Variants in UNC13C observed in about 807,000 individuals in gnomAD.
The protein encoded by UNC13C is protein unc-13 homolog C.
UNC13C carries 174 observed loss-of-function variants against 245.4 expected under a neutral mutation model. The observed-to-expected ratio is 0.71, with a 90% confidence interval of 0.63 to 0.80. UNC13C has a LOEUF of 0.80. Among genes scored for constraint, UNC13C ranks in the 30% least tolerant of loss-of-function variants. UNC13C has a pLI of 0.00. For missense variants in UNC13C, 2,829 were observed against 2,602.9 expected, an observed-to-expected ratio of 1.09 and a Z score of -1.89; for synonymous variants, 992 against 895.1, an observed-to-expected ratio of 1.11 and a Z score of -1.93.
At chr15:54,110,847 G>A (rs1341621883) in intron 2 of UNC13C, among the ~76,000 whole-genome samples, 1 of 152,150 alleles carries the variant, frequency 6.6e-6, no homozygotes, top group African/African-American at 2.4e-5. Context: ...ATGGAAGCTT[G>A]ATGACTTAGT....
intron 2 of UNC13C, among the ~76,000 whole-genome samples, chr15:54,080,788 T>A (rs1898900317): frequency 6.6e-6 from 1 of 152,082 alleles, no homozygotes; most frequent in South Asian, 2.1e-4. Flanking sequence ...TTGTTGATCC[T>A]TTGTTTGTTT....
chr15:53,878,657 A>G, the UNC13C span, among the ~76,000 whole-genome samples: 2 of 152,320 alleles, frequency 1.3e-5, no homozygotes, highest in East Asian at 3.9e-4. Flanking sequence ...AATAATTTTA[A>G]GAAATATTTG....
chr15:53,984,167 T>C (rs889085838), intron 1 of UNC13C, among the ~76,000 whole-genome samples: 2 of 152,166 alleles, frequency 1.3e-5, no homozygotes, highest in African/African-American at 4.8e-5. Flanking sequence ...ACTATATTGC[T>C]TATAAACTAA....
At chr15:53,936,360 C>T in the UNC13C span, among the ~76,000 whole-genome samples, 2 of 152,176 alleles carry the variant, frequency 1.3e-5, no homozygotes, top group Admixed American at 1.3e-4. Flanking sequence ...GTTATACAAA[C>T]AGATCTCTGA....
intron 2 of UNC13C, among the ~76,000 whole-genome samples, chr15:54,139,422 G>A (rs1267403981): frequency 6.6e-6 from 1 of 152,074 alleles, no homozygotes; most frequent in African/African-American, 2.4e-5. Flanking sequence ...ATTGGCAGAG[G>A]TAGGACACAA....
rs561724072 is a variant in UNC13C at position 54,332,964 on chromosome 15, T to C, written c.4495-803T>C. On this transcript the variant is annotated intron_variant, in intron 15 of 32. Transcript: ENST00000260323. ...TTTCATGTTGGATCTGGGACCAACATAATGAGAAGAGAACAACCATTAAGC... is the reference window on the plus strand; with the variant it reads ...TTTCATGTTGGATCTGGGACCAACACAATGAGAAGAGAACAACCATTAAGC... Among the ~76,000 whole-genome samples the C allele has an allele frequency of 5.3e-5, 8 of 152,084 alleles. No homozygotes were observed. In the South Asian group the frequency reaches 1.5e-3, roughly 28 times the overall value.
At chr15:53,877,631 C>T in the UNC13C span, among the ~76,000 whole-genome samples, 3 of 151,694 alleles carry the variant, frequency 2.0e-5, no homozygotes, top group Admixed American at 6.6e-5. Flanking sequence ...AGAAGAAACA[C>T]GAAGAGAGAA....
chr15:53,963,255 A>G, the UNC13C span, among the ~76,000 whole-genome samples: 3 of 152,340 alleles, frequency 2.0e-5, no homozygotes, highest in South Asian at 6.2e-4. Context: ...TTTCTGTTAC[A>G]TGAAGACCCT....
At chr15:54,323,712 C>T (rs1219220469) in intron 14 of UNC13C, among the ~76,000 whole-genome samples, 1 of 151,982 alleles carries the variant, frequency 6.6e-6, no homozygotes, top group Non-Finnish European at 1.5e-5. Flanking sequence ...TTACCAAATA[C>T]CAGATCATAG....
the UNC13C span, among the ~76,000 whole-genome samples, chr15:53,941,516 A>G: frequency 0.11 from 16,682 of 152,226 alleles, 1,260 homozygotes; most frequent in East Asian, 0.33. Context: ...CACCTACATA[A>G]TGGGAGAAAA....
intron 2 of UNC13C, chr15:54,050,027 T>C (rs1897206761): frequency 3.6e-6 from 1 of 281,272 alleles, no homozygotes; most frequent in Admixed American, 4.4e-5. Flanking sequence ...AAGAGTGCAG[T>C]GGCGTGACCT....
intron 19 of UNC13C, among the ~76,000 whole-genome samples, chr15:54,424,627 A>C (rs2040720562): frequency 6.6e-6 from 1 of 151,896 alleles, no homozygotes; most frequent in South Asian, 2.1e-4. Flanking sequence ...TATCAAGAGA[A>C]TACCTGTAAA....
chr15:54,174,899 A>G (rs572877874), intron 4 of UNC13C, among the ~76,000 whole-genome samples: 20 of 152,322 alleles, frequency 1.3e-4, no homozygotes, highest in South Asian at 4.1e-4. Context: ...AAAGTTCACA[A>G]TCTTTGAATT....
At chr15:53,869,046 C>G in the UNC13C span, among the ~76,000 whole-genome samples, 1 of 152,102 alleles carries the variant, frequency 6.6e-6, no homozygotes, top group Non-Finnish European at 1.5e-5. Flanking sequence ...GAGGTCAAGG[C>G]TGCATTGATC....
intron 2 of UNC13C, among the ~76,000 whole-genome samples, chr15:54,093,471 C>G (rs190684224): frequency 4.9e-4 from 75 of 152,282 alleles, no homozygotes; most frequent in African/African-American, 1.4e-3. Flanking sequence ...AATGAAAAGC[C>G]TGAATTATAA....
At chr15:54,626,720 A>T in intron 32 of UNC13C, 108 bp from the exon 33 acceptor site, 1 of 1,021,894 alleles carries the variant, frequency 9.8e-7, no homozygotes, top group Non-Finnish European at 1.4e-6. Flanking sequence ...ATTTGCCAAC[A>T]TAATAATCAG....
At chr15:54,054,715 A>G (rs74760437) in intron 2 of UNC13C, among the ~76,000 whole-genome samples, 2,180 of 152,298 alleles carry the variant, frequency 0.014, 58 homozygotes, top group African/African-American at 0.05. Context: ...CACAGTATCA[A>G]TTATTTGCAT....
chr15:54,504,553 T>C lies in UNC13C; in HGVS notation c.5302-2564T>C, dbSNP rs138320597. Among the ~76,000 whole-genome samples, 14 of 152,328 alleles carry C rather than the reference T, an allele frequency of 9.2e-5. No individual in the cohort carries two copies. In the East Asian group the frequency reaches 2.5e-3, roughly 27 times the overall value. On this transcript the variant is annotated intron_variant, in intron 22 of 32. Coordinates refer to ENST00000260323, the MANE Select transcript of UNC13C (RefSeq NM_001080534.3). ...AGAATTAAGTTAGAAATTTGGAGAA[T>C]AGAATCTCACTATTTGTTTTTTACC...
At chr15:54,229,544 A>T (rs1310137229) in intron 4 of UNC13C, among the ~76,000 whole-genome samples, 1 of 152,178 alleles carries the variant, frequency 6.6e-6, no homozygotes, top group Non-Finnish European at 1.5e-5. Context: ...GTACAGCTTT[A>T]TATTTTGAAG....
Sources: gnomAD v4.1 joint callset for allele counts (sites outside exome capture counted in the v4.1 genomes callset) on GRCh38, gnomAD v4.1.1 for gene constraint, MANE v1.5 for transcripts, NCBI Gene and HGNC (gene_info 2026-07-23, HGNC 2026-07-21) for gene names.